EXD3: variants seen among roughly 807,000 people sequenced by gnomAD.
The protein encoded by EXD3 is exonuclease 3'-5' domain containing 3.
A neutral mutation model predicts 98.0 loss-of-function variants in EXD3; 92 were observed. The observed-to-expected ratio is 0.94, with a 90% CI of 0.79 to 1.12. The LOEUF (loss-of-function observed/expected upper bound fraction) is 1.12. Among genes scored for constraint, EXD3 ranks in the 50% most tolerant of loss-of-function variants. EXD3 has a pLI of 0.00. For synonymous variants in EXD3, 569 were observed against 526.0 expected (o/e 1.08, Z -1.12); for missense variants, 1,222 against 1,191.6 (o/e 1.03, Z -0.38).
At chr9:137,328,871 A>G (rs375377176) in intron 17 of EXD3, among the ~76,000 whole-genome samples, 2 of 36,756 alleles carry the variant, frequency 5.4e-5, no homozygotes, top group Non-Finnish European at 9.1e-5. Context: ...GCTACACGGG[A>G]CTACACGGGA....
At position 137,324,863 on chromosome 9, in the gene EXD3, T is replaced by G. The variant is rs552327414; in HGVS notation, c.1999-720A>C. 1.3e-5 allele frequency among the ~76,000 whole-genome samples: 2 copies of G among 152,164 alleles called. No individual in the cohort carries two copies. Among genetic ancestry groups the G allele is most frequent in the Admixed American group, 6.5e-5 (1 of 15,268 alleles). On this transcript the variant is annotated intron_variant, in intron 17 of 21. Transcript: ENST00000340951. This position sits in a 1 kb window ranked among gnomAD's most constrained non-coding sequence, Gnocchi z 4.1. ...GCCAGCCACCGTGCCTGGCTAATTTTTTGTATTTTTAGTAGAGACGGGGTT... is the reference window on the plus strand; with the variant it reads ...GCCAGCCACCGTGCCTGGCTAATTTGTTGTATTTTTAGTAGAGACGGGGTT...
chr9:137,406,861 C>G (rs1280336118), intron 1 of EXD3, among the ~76,000 whole-genome samples: 1 of 152,090 alleles, frequency 6.6e-6, no homozygotes, highest in Non-Finnish European at 1.5e-5. Context: ...AGGAGTGCAG[C>G]CCGTCCCCCC....
intron 1 of EXD3, among the ~76,000 whole-genome samples, chr9:137,421,898 G>A (rs1349829669): frequency 6.6e-6 from 1 of 152,098 alleles, no homozygotes; most frequent in Non-Finnish European, 1.5e-5. Context: ...CATGTTTTTA[G>A]TTGTCTCCCT....
In EXD3 at chr9:137,371,344, G is replaced by A. The variant is rs1052385109; in HGVS notation, c.462+1561C>T. ...CGCCATGCACCCGCCGCGAGACGAC[G>A]GCCCCGGGCGTGGCAGGTGACAGCG... On this transcript the variant is annotated intron_variant, in intron 5 of 21. Transcript: ENST00000340951. This position sits in a 1 kb window ranked among gnomAD's most constrained non-coding sequence, Gnocchi z 8.0. Among the ~76,000 whole-genome samples the A allele has an allele frequency of 3.9e-5, 6 of 152,172 alleles. No individual in the cohort carries two copies. Among genetic ancestry groups the A allele is most frequent in the African/African-American group, 1.4e-4 (6 of 41,440 alleles).
chr9:137,417,502 G>A (rs1207444721), intron 1 of EXD3, among the ~76,000 whole-genome samples: 1 of 152,160 alleles, frequency 6.6e-6, no homozygotes, highest in Non-Finnish European at 1.5e-5. Flanking sequence ...CAGCCCACCC[G>A]TTCCTCGGAA....
chr9:137,386,535 C>T (rs1056778110), intron 2 of EXD3, among the ~76,000 whole-genome samples: 2 of 152,042 alleles, frequency 1.3e-5, no homozygotes, highest in African/African-American at 4.8e-5. Context: ...ACGCTGTGCC[C>T]TCAGACAACA....
At chr9:137,358,843 G>A (rs994205156) in intron 7 of EXD3, among the ~76,000 whole-genome samples, 10 of 151,680 alleles carry the variant, frequency 6.6e-5, no homozygotes, top group African/African-American at 1.9e-4. Context: ...GCCCCACCAC[G>A]GCTGGCTAAT....
At chr9:137,370,604 G>GA (rs71387830) in intron 5 of EXD3, among the ~76,000 whole-genome samples, 33,534 of 129,754 alleles carry the variant, frequency 0.26, 5,480 homozygotes, top group South Asian at 0.56. Context: ...CTGCTTTCAG[G>GA]AAAAAAAAAA....
Position 137,399,029 on chromosome 9 carries a change from A to G in EXD3, c.-47-3625T>C, listed in dbSNP as rs552234173. On this transcript the variant is annotated intron_variant, in intron 1 of 21. Transcript: ENST00000340951. ...ATCCTCGTAACACGTGCACACCGACATCCCCGTGACATACACAGACTGTCC... is the reference window on the plus strand; with the variant it reads ...ATCCTCGTAACACGTGCACACCGACGTCCCCGTGACATACACAGACTGTCC... 4.5e-3 allele frequency among the ~76,000 whole-genome samples: 685 copies of G among 151,750 alleles called. 9 individuals carry two copies. The highest frequency in any genetic ancestry group is 0.015 in the African/African-American group (627 of 41,334).
chr9:137,339,646 A>T (rs558745573), intron 17 of EXD3, among the ~76,000 whole-genome samples: 26 of 152,326 alleles, frequency 1.7e-4, no homozygotes, highest in African/African-American at 5.8e-4. Context: ...TTTACAGATT[A>T]AAGGAAAAAT....
intron 1 of EXD3, among the ~76,000 whole-genome samples, chr9:137,419,338 T>C (rs1020735489): frequency 3.3e-5 from 5 of 152,254 alleles, no homozygotes; most frequent in African/African-American, 1.2e-4. Flanking sequence ...TCTTTTGTCA[T>C]CTGCAGAAAA....
At chr9:137,337,216 T>C (rs1833399230) in intron 17 of EXD3, among the ~76,000 whole-genome samples, 1 of 152,198 alleles carries the variant, frequency 6.6e-6, no homozygotes, top group East Asian at 1.9e-4. Flanking sequence ...CTAATAATAA[T>C]ATGCATATGC....
At chr9:137,390,348 C>T (rs1472082591) in intron 2 of EXD3, among the ~76,000 whole-genome samples, 3 of 149,940 alleles carry the variant, frequency 2.0e-5, no homozygotes, top group Non-Finnish European at 3.0e-5. Context: ...AGGAGAATGG[C>T]GTGAACCCGG....
At chr9:137,421,835 T>C (rs535450049) in intron 1 of EXD3, among the ~76,000 whole-genome samples, 62 of 152,308 alleles carry the variant, frequency 4.1e-4, no homozygotes, top group Non-Finnish European at 6.8e-4. Context: ...AAGACCCCAT[T>C]TCTAAGTAAA....
chr9:137,406,296 A>AAAAAAG (rs1564214743), intron 1 of EXD3, among the ~76,000 whole-genome samples: 1 of 151,624 alleles, frequency 6.6e-6, no homozygotes, highest in African/African-American at 2.4e-5. Flanking sequence ...AAAAGGAAAA[A>AAAAAAG]AAAAAGAAAA....
chr9:137,417,604 C>A (rs1046740348), intron 1 of EXD3, among the ~76,000 whole-genome samples: 2 of 152,196 alleles, frequency 1.3e-5, no homozygotes, highest in Non-Finnish European at 2.9e-5. Flanking sequence ...ACTACCCCAG[C>A]CGCGCTGCGC....
intron 1 of EXD3, among the ~76,000 whole-genome samples, chr9:137,402,962 C>G (rs371472567): frequency 9.2e-5 from 14 of 152,150 alleles, no homozygotes; most frequent in East Asian, 5.8e-4. Flanking sequence ...ACCATGAGAA[C>G]AGCATGGGAA....
chr9:137,384,825 C>T (rs182513148), intron 2 of EXD3, among the ~76,000 whole-genome samples: 226 of 152,332 alleles, frequency 1.5e-3, no homozygotes, highest in African/African-American at 4.5e-3. Flanking sequence ...AAACAAAACC[C>T]AGCCGGCTGT....
At chr9:137,376,343 CAAAAAAAAAAAA>C (rs765888922) in intron 3 of EXD3, among the ~76,000 whole-genome samples, 3 of 39,970 alleles carry the variant, frequency 7.5e-5, no homozygotes, top group South Asian at 1.2e-3. Flanking sequence ...GACTCTGTCT[CAAAAAAAAAAAA>C]AAAAAAAAAA....
Sources: allele counts gnomAD v4.1 joint callset (sites outside exome capture counted in the v4.1 genomes callset), GRCh38; gene constraint gnomAD v4.1.1; non-coding constraint Gnocchi (gnomAD v3.1); transcripts MANE v1.5; gene names NCBI Gene and HGNC (gene_info 2026-07-23, HGNC 2026-07-21).